Variants in TRAPPC9 observed in about 807,000 individuals in gnomAD.
The protein encoded by TRAPPC9 is trafficking protein particle complex subunit 9.
In TRAPPC9, 83 loss-of-function variants were observed where a neutral mutation model predicts 124.0. The observed-to-expected ratio is 0.67, with a 90% CI of 0.56 to 0.80. TRAPPC9 has a LOEUF of 0.80. TRAPPC9 is among the 30% of genes least tolerant of loss of function. TRAPPC9 has a pLI of 0.00. For synonymous variants in TRAPPC9, 638 were observed against 617.5 expected (o/e 1.03, Z -0.49); for missense variants, 1,302 against 1,508.3 (o/e 0.86, Z 2.27).
chr8:139,947,924 C>CGAGAGAGAGAGAGAGAGAGCGAGAGAGA (rs1834364757), intron 19 of TRAPPC9, among the ~76,000 whole-genome samples: 4 of 83,488 alleles, frequency 4.8e-5, no homozygotes, highest in East Asian at 3.0e-4. Context: ...AGAGAGAGAG[C>CGAGAGAGAGAGAGAGAGAGCGAGAGAGA]GAGAGAGAGA....
intron 2 of TRAPPC9, among the ~76,000 whole-genome samples, chr8:140,442,819 C>T (rs928186717): frequency 1.3e-5 from 2 of 151,954 alleles, no homozygotes; most frequent in East Asian, 1.9e-4. Context: ...TTTGCAGGGT[C>T]GGGGATGGTA....
At chr8:140,164,129 C>A (rs567183447) in intron 17 of TRAPPC9, among the ~76,000 whole-genome samples, 1 of 152,158 alleles carries the variant, frequency 6.6e-6, no homozygotes, top group African/African-American at 2.4e-5. Context: ...CAAGCCAGGG[C>A]GGCTCCAGGC....
chr8:140,033,685 T>TTTTTTTTTTTTG, intron 17 of TRAPPC9, among the ~76,000 whole-genome samples: 1 of 117,350 alleles, frequency 8.5e-6, no homozygotes, highest in Non-Finnish European at 1.7e-5. Flanking sequence ...TTTTTTTTTT[T>TTTTTTTTTTTTG]TTTTTTTTTT....
chr8:140,322,245 C>T (rs2131948605), intron 9 of TRAPPC9, among the ~76,000 whole-genome samples: 1 of 152,222 alleles, frequency 6.6e-6, no homozygotes, highest in Middle Eastern at 3.4e-3. Flanking sequence ...CTTTTCTGTG[C>T]CCAGACCCCA....
At chr8:140,376,873 C>CAAAA (rs36002702) in intron 7 of TRAPPC9, among the ~76,000 whole-genome samples, 1 of 112,874 alleles carries the variant, frequency 8.9e-6, no homozygotes, top group African/African-American at 3.4e-5. Flanking sequence ...GGCTCCATCT[C>CAAAA]AAAAAAAAAA....
At chr8:139,884,842 G>A (rs944334302) in intron 21 of TRAPPC9, among the ~76,000 whole-genome samples, 6 of 152,182 alleles carry the variant, frequency 3.9e-5, no homozygotes, top group Admixed American at 6.5e-5. Flanking sequence ...ACCCATAGCC[G>A]CCATGACGGT....
chr8:139,827,467 A>T (rs549676340), intron 21 of TRAPPC9, among the ~76,000 whole-genome samples: 1 of 152,352 alleles, frequency 6.6e-6, no homozygotes, highest in Admixed American at 6.5e-5. Context: ...CTCCGGGAGC[A>T]GGGTAGCAGC....
chr8:139,959,117 C>CGGGGGAGCCCTGCATTCCGAGTCACAT (rs1835210094), intron 19 of TRAPPC9, among the ~76,000 whole-genome samples: 11 of 152,104 alleles, frequency 7.2e-5, no homozygotes, highest in African/African-American at 2.7e-4. Context: ...CCGAGTCACA[C>CGGGGGAGCCCTGCATTCCGAGTCACAT]AGGGGACTGG....
chr8:140,312,740 A>ATTCTTC (rs34638675), intron 9 of TRAPPC9, among the ~76,000 whole-genome samples: 1 of 140,178 alleles, frequency 7.1e-6, no homozygotes, highest in Non-Finnish European at 1.5e-5. Flanking sequence ...GTGCCTACGC[A>ATTCTTC]TTCTTCTTCT....
At position 140,450,785 on chromosome 8, in the gene TRAPPC9, C is replaced by G. The variant is rs199503424; in HGVS notation, c.584+5G>C. On this transcript the variant is annotated splice_donor_5th_base_variant and intron_variant, in intron 2 of 22. Transcript: ENST00000438773. ...CAAGGGGCCTGGGTCTCTAGGTAAG[C>G]TTACCTGCTGTCTGTGTCCAGTCCT... 2 of 1,600,818 alleles carry G rather than the reference C, an allele frequency of 1.2e-6. No individual in the cohort carries two copies. The highest frequency in any genetic ancestry group is 2.2e-5 in the East Asian group (1 of 44,682).
intron 13 of TRAPPC9, among the ~76,000 whole-genome samples, chr8:140,284,560 A>G (rs1034446597): frequency 3.3e-5 from 5 of 152,246 alleles, no homozygotes; most frequent in African/African-American, 1.2e-4. Flanking sequence ...CCATGTTAAA[A>G]AAAAAGTCCA....
chr8:139,850,024 G>A (rs1306893104), intron 21 of TRAPPC9, among the ~76,000 whole-genome samples: 2 of 152,116 alleles, frequency 1.3e-5, no homozygotes, highest in East Asian at 1.9e-4. Flanking sequence ...CTCGGTTCCC[G>A]CATCAGCTCC....
chr8:140,427,642 T>C (rs1019239181), intron 4 of TRAPPC9, among the ~76,000 whole-genome samples: 17 of 152,200 alleles, frequency 1.1e-4, no homozygotes, highest in Admixed American at 1.1e-3. Context: ...GTTCCAAGAG[T>C]CATGTTTATC....
intron 21 of TRAPPC9, among the ~76,000 whole-genome samples, chr8:139,872,358 G>T (rs1481275781): frequency 4.1e-5 from 4 of 97,832 alleles, no homozygotes; most frequent in African/African-American, 5.7e-5. Context: ...GCTGGTGGAT[G>T]GGTTGATGGG....
chr8:140,098,117 G>A (rs2060489554), intron 17 of TRAPPC9: 1 of 152,048 alleles, frequency 6.6e-6, no homozygotes, highest in South Asian at 2.1e-4. Context: ...CTATCTGCAG[G>A]GTAGGGAACG....
chr8:140,457,275 C>A (rs949859737), intron 1 of TRAPPC9, among the ~76,000 whole-genome samples: 1 of 152,146 alleles, frequency 6.6e-6, no homozygotes, highest in African/African-American at 2.4e-5. Context: ...GGAAGCCAGG[C>A]GGAGACAGCT....
rs79826816 is a variant in TRAPPC9, at chr8:139,967,056, G to A, written c.2810+21670C>T. Reference sequence around the variant, plus strand: ...TTGTCTTTAAATGCAGTGGAAGTGCGGTAGATTGCGTTACTGTCCGAAACA... The same window carrying A: ...TTGTCTTTAAATGCAGTGGAAGTGCAGTAGATTGCGTTACTGTCCGAAACA... On this transcript the variant is annotated intron_variant, in intron 19 of 22. Coordinates refer to ENST00000438773, the MANE Select transcript of TRAPPC9 (RefSeq NM_001160372.4). 7.6e-3 allele frequency among the ~76,000 whole-genome samples: 1,161 copies of A among 152,280 alleles called. 20 individuals carry two copies. The highest frequency in any genetic ancestry group is 0.027 in the African/African-American group (1,109 of 41,552).
chr8:139,739,497 T>C (rs1818416492), intron 21 of TRAPPC9, among the ~76,000 whole-genome samples: 1 of 152,192 alleles, frequency 6.6e-6, no homozygotes, highest in African/African-American at 2.4e-5. Flanking sequence ...CCAGAGCCCG[T>C]CTCCCGGGCT....
intron 21 of TRAPPC9, among the ~76,000 whole-genome samples, chr8:139,858,453 A>G (rs972347216): frequency 6.6e-6 from 1 of 152,196 alleles, no homozygotes; most frequent in African/African-American, 2.4e-5. Flanking sequence ...AGCCGCATGC[A>G]GCTCTTCCAT....
Sources: gnomAD v4.1 joint callset for allele counts (sites outside exome capture counted in the v4.1 genomes callset) on GRCh38, gnomAD v4.1.1 for gene constraint, MANE v1.5 for transcripts, NCBI Gene and HGNC (gene_info 2026-07-23, HGNC 2026-07-21) for gene names.